SPPL2A: variants seen among roughly 807,000 people sequenced by gnomAD.
The protein encoded by SPPL2A is signal peptide peptidase like 2A.
A neutral mutation model predicts 63.8 loss-of-function variants in SPPL2A; 51 were observed. The ratio of observed to expected loss-of-function variants is 0.80; its 90% CI spans 0.64 to 1.01. The LOEUF is 1.01. SPPL2A is among the 50% of genes least tolerant of loss of function. SPPL2A has a pLI of 0.00. For missense variants in SPPL2A, 553 were observed against 622.7 expected (o/e 0.89, Z 1.19); for synonymous variants, 188 against 205.8 (o/e 0.91, Z 0.74).
At chr15:50,709,587 C>T (rs1463454704) in intron 14 of SPPL2A, among the ~76,000 whole-genome samples, 2 of 152,088 alleles carry the variant, frequency 1.3e-5, no homozygotes, top group East Asian at 3.9e-4. Flanking sequence ...GTCAGGAGTT[C>T]GGGACCAGCC....
chr15:50,753,604 TAAGG>T (rs1045336754), intron 1 of SPPL2A, among the ~76,000 whole-genome samples: 3 of 152,180 alleles, frequency 2.0e-5, no homozygotes, highest in Non-Finnish European at 4.4e-5. Flanking sequence ...ACAGTTATGA[TAAGG>T]ATTAAGTTAG....
At chr15:50,714,746 C>A (rs774184804) in intron 14 of SPPL2A, among the ~76,000 whole-genome samples, 1 of 151,972 alleles carries the variant, frequency 6.6e-6, no homozygotes, top group Non-Finnish European at 1.5e-5. Context: ...AGTTCAGGAC[C>A]AGCCTGGCTA....
chr15:50,748,048 T>C (rs1273525407), intron 4 of SPPL2A, 65 bp downstream of exon 4: 7 of 658,556 alleles, frequency 1.1e-5, no homozygotes, highest in East Asian at 6.9e-5. Flanking sequence ...AATTAAACAT[T>C]AGTGATTAAA....
intron 1 of SPPL2A, among the ~76,000 whole-genome samples, chr15:50,761,395 C>T (rs146904558): frequency 2.0e-4 from 30 of 152,066 alleles, no homozygotes; most frequent in African/African-American, 7.2e-4. Context: ...GCAGGCAGAT[C>T]ACCTGAGGTC....
At chr15:50,732,794 C>CT (rs112777727) in intron 8 of SPPL2A, 110 bp from the exon 9 acceptor site, 24,004 of 531,496 alleles carry the variant, frequency 0.045, no homozygotes, top group South Asian at 0.052. Flanking sequence ...TTGACTATTC[C>CT]TTTTTTTTTT....
intron 5 of SPPL2A, among the ~76,000 whole-genome samples, chr15:50,746,436 CAAAAAAAAAAAA>C (rs71127139): frequency 3.4e-5 from 3 of 87,052 alleles, no homozygotes; most frequent in Non-Finnish European, 2.3e-5. Flanking sequence ...GACTCTGTAT[CAAAAAAAAAAAA>C]AAAAAAAAAA....
At chr15:50,754,306 G>C (rs12324594) in intron 1 of SPPL2A, among the ~76,000 whole-genome samples, 1 of 152,088 alleles carries the variant, frequency 6.6e-6, no homozygotes, top group Non-Finnish European at 1.5e-5. Context: ...GTTTACATTA[G>C]GGTTCATTCT....
At chr15:50,725,184 GT>G (rs368359163) in intron 12 of SPPL2A, 36 bp downstream of exon 12, 22,840 of 825,642 alleles carry the variant, frequency 0.028, 19 homozygotes, top group African/African-American at 0.033. Context: ...AATCATCAGT[GT>G]TTTTTTTTTT....
intron 1 of SPPL2A, among the ~76,000 whole-genome samples, chr15:50,756,223 T>C (rs1011090562): frequency 4.0e-5 from 6 of 151,444 alleles, no homozygotes; most frequent in African/African-American, 1.5e-4. Context: ...TAGCCAGGTG[T>C]GGTGGTGGGC....
intron 5 of SPPL2A, among the ~76,000 whole-genome samples, chr15:50,745,359 C>G (rs2062849795): frequency 6.6e-6 from 1 of 152,072 alleles, no homozygotes; most frequent in African/African-American, 2.4e-5. Flanking sequence ...CCATGTGGGC[C>G]AGGCTGATCT....
At chr15:50,708,654 C>T (rs917349866) in intron 14 of SPPL2A, among the ~76,000 whole-genome samples, 6 of 148,770 alleles carry the variant, frequency 4.0e-5, no homozygotes, top group African/African-American at 1.5e-4. Flanking sequence ...TGCAGTGAGC[C>T]GAGATCACGC....
rs1031501478 is a variant in SPPL2A, at chr15:50,704,135, G to C, written c.*3665C>G. 6.6e-6 allele frequency: 1 copy of C among 152,012 alleles called. No individual in the cohort carries two copies. Among genetic ancestry groups the C allele is most frequent in the Non-Finnish European group, 1.5e-5 (1 of 68,018 alleles). 9.4% of individuals were successfully genotyped at this position (152,012 alleles called of 1,614,324 possible). A position where few individuals can be genotyped will look rare whatever the true frequency, so the allele number is the denominator to read the frequency against. On this transcript the variant is annotated 3_prime_UTR_variant, in exon 15 of 15. Coordinates refer to ENST00000261854, the MANE Select transcript of SPPL2A (RefSeq NM_032802.4). ...AGGCGGGCGGATCACCTCAGGTTGG[G>C]AGTTCGAGACCAGCCTGATCAACAT...
rs1342674272 is a variant in SPPL2A at position 50,722,150 on chromosome 15, TAAG to T, written c.1298_1300del (p.Ser433del). 7 of 1,595,784 alleles carry T rather than the reference TAAG, an allele frequency of 4.4e-6. No individual in the cohort carries two copies. The highest frequency in any genetic ancestry group is 4.3e-6 in the Non-Finnish European group (5 of 1,166,594). On this transcript the variant is annotated inframe_deletion, in exon 13 of 15. Coordinates refer to ENST00000261854, the MANE Select transcript of SPPL2A (RefSeq NM_032802.4). ...AACTGTAGACGAAACATAGTATATG[TAAG>T]AAGAACCAGTCTGAACATCAAATCT... is the stretch of plus-strand genomic sequence containing the variant.
intron 11 of SPPL2A, 134 bp downstream of exon 11, chr15:50,726,187 T>C: frequency 6.7e-7 from 1 of 1,483,910 alleles, no homozygotes; most frequent in East Asian, 2.5e-5. Context: ...AAAAGAGCTA[T>C]ATTTTCTGAG....
At chr15:50,765,385 G>C (rs145059998) in intron 1 of SPPL2A, 83 bp downstream of exon 1, 56 of 1,084,834 alleles carry the variant, frequency 5.2e-5, no homozygotes, top group Non-Finnish European at 6.7e-5. Context: ...GAGGCCGGGC[G>C]AGGAGTAGGG....
chr15:50,764,384 T>G (rs558102542), intron 1 of SPPL2A: 2 of 152,218 alleles, frequency 1.3e-5, no homozygotes, highest in Admixed American at 1.3e-4. Context: ...TTTAGATACA[T>G]TCTCTCAGGT....
At chr15:50,727,888 G>A (rs1296151223) in intron 10 of SPPL2A, among the ~76,000 whole-genome samples, 1 of 152,176 alleles carries the variant, frequency 6.6e-6, no homozygotes, top group African/African-American at 2.4e-5. Context: ...CAAAGAGCGA[G>A]CACTTAGCTT....
Position 50,720,597 on chromosome 15 carries a change from G to A in SPPL2A, c.1328-497C>T, listed in dbSNP as rs145500743. ...TGCAATGGCACGATCTCAGCTCACC[G>A]CAACCTCTGCCTCCTGGGTTCAAGC... On this transcript the variant is annotated intron_variant, in intron 13 of 14. Coordinates refer to ENST00000261854, the MANE Select transcript of SPPL2A (RefSeq NM_032802.4). 3.6e-4 allele frequency among the ~76,000 whole-genome samples: 51 copies of A among 139,826 alleles called. 2 individuals are homozygous for A. In the East Asian group the frequency reaches 9.6e-3, roughly 26 times the overall value. The allele number at this position is 139,826 out of a possible 152,430, so 91.7% of individuals were successfully genotyped here.
chr15:50,733,105 A>G (rs2062743871), intron 8 of SPPL2A, among the ~76,000 whole-genome samples: 1 of 152,232 alleles, frequency 6.6e-6, no homozygotes, highest in Non-Finnish European at 1.5e-5. Context: ...AACATATATC[A>G]GACATAAGTG....
Sources: gnomAD v4.1 joint callset for allele counts (sites outside exome capture counted in the v4.1 genomes callset) on GRCh38, gnomAD v4.1.1 for gene constraint, MANE v1.5 for transcripts, NCBI Gene and HGNC (gene_info 2026-07-23, HGNC 2026-07-21) for gene names.